The following ANKRD62 variants were observed in gnomAD, a reference collection of about 807,000 sequenced individuals.
The protein encoded by ANKRD62 is ankyrin repeat domain-containing protein 62.
In ANKRD62, 61 loss-of-function variants were observed where a neutral mutation model predicts 98.8. The ratio of observed to expected loss-of-function variants is 0.62; its 90% CI spans 0.50 to 0.76. ANKRD62 has a LOEUF of 0.76. ANKRD62 is among the 30% of genes least tolerant of loss of function. The pLI is 0.00. For missense variants in ANKRD62, 933 were observed against 1,082.9 expected (o/e 0.86, Z 1.94); for synonymous variants, 341 against 367.9 (o/e 0.93, Z 0.84).
At chr18:12,173,675 C>G in the ANKRD62 span, among the ~76,000 whole-genome samples, 1 of 152,180 alleles carries the variant, frequency 6.6e-6, no homozygotes, top group African/African-American at 2.4e-5. Flanking sequence ...TCTTGCAAGG[C>G]AGGTCTGGTG....
At chr18:12,164,202 A>T in the ANKRD62 span, among the ~76,000 whole-genome samples, 10 of 151,750 alleles carry the variant, frequency 6.6e-5, no homozygotes, top group African/African-American at 2.4e-4. Context: ...TAGGTTGTAG[A>T]TATTTTTTCA....
chr18:12,172,297 A>G, the ANKRD62 span, among the ~76,000 whole-genome samples: 3 of 152,164 alleles, frequency 2.0e-5, no homozygotes, highest in Admixed American at 6.5e-5. Flanking sequence ...GTGTTCGATG[A>G]TGGTGATGTA....
intron 13 of ANKRD62, among the ~76,000 whole-genome samples, chr18:12,127,508 A>G (rs145774516): frequency 6.6e-6 from 1 of 152,336 alleles, no homozygotes; most frequent in African/African-American, 2.4e-5. Context: ...AGCATTGCAC[A>G]TTCATCAGTG....
the ANKRD62 span, among the ~76,000 whole-genome samples, chr18:12,137,557 C>T: frequency 6.6e-6 from 1 of 152,266 alleles, no homozygotes; most frequent in East Asian, 1.9e-4. Context: ...ATGATGCTGG[C>T]CTCATAAAAT....
At chr18:12,175,256 A>T in the ANKRD62 span, among the ~76,000 whole-genome samples, 1 of 152,054 alleles carries the variant, frequency 6.6e-6, no homozygotes, top group Non-Finnish European at 1.5e-5. Context: ...TGTTCTCTGT[A>T]CCTAGTTTCA....
At chr18:12,096,122 TTAACA>T (rs1485420080) in intron 3 of ANKRD62, 69 bp from the exon 4 acceptor site, 15 of 1,024,414 alleles carry the variant, frequency 1.5e-5, no homozygotes, top group African/African-American at 3.3e-5. Flanking sequence ...TCATAGGATC[TTAACA>T]TAAGGTTTTC....
chr18:12,122,961 T>C (rs1363517749), intron 11 of ANKRD62, among the ~76,000 whole-genome samples: 1 of 152,198 alleles, frequency 6.6e-6, no homozygotes, highest in African/African-American at 2.4e-5. Context: ...TAAGAAAGTT[T>C]ATAATTTATA....
intron 4 of ANKRD62, 109 bp downstream of exon 4, chr18:12,096,411 G>A: frequency 1.6e-6 from 1 of 628,906 alleles, no homozygotes. Context: ...TTATTATTGG[G>A]ATAGAGAGAA....
the ANKRD62 span, among the ~76,000 whole-genome samples, chr18:12,157,135 T>C: frequency 6.6e-6 from 1 of 152,224 alleles, no homozygotes; most frequent in Non-Finnish European, 1.5e-5. Flanking sequence ...AGTTCTACTT[T>C]GGGATGCTGA....
chr18:12,115,104 T>C lies in ANKRD62; in HGVS notation c.1081T>C (p.Ser361Pro). ...GEFDRLARKT[S>P]NEKSKVKSQI... ...TTTTTTTAGGCTTGCAAGGAAAACC[T>C]CTAATGAAAAGAGCAAGGTATTATA... is the stretch of plus-strand genomic sequence containing the variant. The change falls in exon 9 of 14, where the codon TCT (serine) becomes CCT (proline). Residue 361 changes from serine to proline, a missense_variant. By Grantham distance (74) the Ser-to-Pro change is moderately conservative. Coordinates refer to ENST00000587848, the MANE Select transcript of ANKRD62 (RefSeq NM_001277333.2). The C allele has an allele frequency of 7.1e-7, 1 of 1,399,862 alleles. No homozygotes were observed. Among genetic ancestry groups the C allele is most frequent in the Non-Finnish European group, 9.2e-7 (1 of 1,083,522 alleles). 86.7% of individuals were successfully genotyped at this position (1,399,862 alleles called of 1,614,324 possible).
Position 12,097,723 on chromosome 18 carries a change from A to G in ANKRD62, c.698A>G (p.Gln233Arg), listed in dbSNP as rs1049505559. Residue 233 changes from glutamine to arginine, a missense_variant, in exon 5 of 14, where the codon CAA becomes CGA. By Grantham distance (43) the Gln-to-Arg change is conservative (BLOSUM62 1). Around this residue, in one of 3 missense-constraint regions of ANKRD62, gnomAD observed 549 missense variants for 587.9 expected, o/e 0.93. Coordinates refer to ENST00000587848, the MANE Select transcript of ANKRD62 (RefSeq NM_001277333.2). ...CAGCACAATATTGATGTCTTTTGCC[A>G]AGATATATCTGGATGGACTGCAGAA... ...LLQHNIDVFC[Q>R]DISGWTAEDY... 6.5e-7 allele frequency: 1 copy of G among 1,535,964 alleles called. No individual in the cohort carries two copies. The highest frequency in any genetic ancestry group is 8.7e-7 in the Non-Finnish European group (1 of 1,146,826).
intron 10 of ANKRD62, among the ~76,000 whole-genome samples, chr18:12,119,730 G>A (rs1909745009): frequency 6.6e-6 from 1 of 151,624 alleles, no homozygotes; most frequent in African/African-American, 2.4e-5. Context: ...GCTTGCTTTG[G>A]ATTTAATTCT....
chr18:12,111,592 C>T (rs149264439), intron 8 of ANKRD62, among the ~76,000 whole-genome samples: 2,018 of 152,124 alleles, frequency 0.013, 18 homozygotes, highest in African/African-American at 0.02. Flanking sequence ...AATGGGCATC[C>T]AAGTAGGAAG....
At chr18:12,154,590 G>T in the ANKRD62 span, among the ~76,000 whole-genome samples, 1 of 152,028 alleles carries the variant, frequency 6.6e-6, no homozygotes, top group Non-Finnish European at 1.5e-5. Flanking sequence ...AGCAGAACTA[G>T]CATTCCACCC....
chr18:12,173,644 T>C, the ANKRD62 span, among the ~76,000 whole-genome samples: 4 of 152,232 alleles, frequency 2.6e-5, no homozygotes, highest in African/African-American at 7.2e-5. Context: ...TCTTTTCATA[T>C]TGAGTGCTCT....
the ANKRD62 span, among the ~76,000 whole-genome samples, chr18:12,154,291 G>A: frequency 1.3e-5 from 2 of 152,180 alleles, no homozygotes; most frequent in African/African-American, 4.8e-5. Flanking sequence ...CAAAGGACAT[G>A]AACAGACACT....
chr18:12,102,350 G>A, intron 6 of ANKRD62: 1 of 644,444 alleles, frequency 1.6e-6, no homozygotes, highest in Non-Finnish European at 2.9e-6. Flanking sequence ...ACACCATTCG[G>A]GGGTAGGTCG....
chr18:12,126,618 T>C lies in ANKRD62; in HGVS notation c.2562+235T>C, dbSNP rs568722657. Among the ~76,000 whole-genome samples the C allele has an allele frequency of 3.9e-5, 6 of 152,332 alleles. No homozygotes were observed. In the East Asian group the frequency reaches 1.2e-3, roughly 29 times the overall value. On this transcript the variant is annotated intron_variant, in intron 13 of 13. Coordinates refer to ENST00000587848, the MANE Select transcript of ANKRD62 (RefSeq NM_001277333.2). ...CTTAGGAAATTTTAAACGTTTCAGT[T>C]ACAAAATGTTAATATAGACTAACAT...
chr18:12,139,571 G>A, the ANKRD62 span, among the ~76,000 whole-genome samples: 9 of 152,114 alleles, frequency 5.9e-5, no homozygotes, highest in East Asian at 1.9e-4. Flanking sequence ...GTGTGAACCC[G>A]GGAGGCAGAG....
Sources: gnomAD v4.1 joint callset for allele counts (sites outside exome capture counted in the v4.1 genomes callset) on GRCh38, gnomAD v4.1.1 for gene constraint, gnomAD v4.1.1 regional missense constraint, MANE v1.5 for transcripts, NCBI Gene and HGNC (gene_info 2026-07-23, HGNC 2026-07-21) for gene names.